Variants in NTM observed in about 807,000 individuals in gnomAD.
The protein encoded by NTM is IgLON family member 2.
Under a neutral mutation model 42.1 loss-of-function variants are expected in NTM, and 13 were observed. The observed-to-expected ratio is 0.31, with a 90% CI of 0.20 to 0.49. NTM has a LOEUF of 0.49. Among genes scored for constraint, NTM ranks in the 20% least tolerant of loss-of-function variants. NTM has a pLI of 0.99. For missense variants in NTM, 373 were observed against 452.8 expected (o/e 0.82, Z 1.60); for synonymous variants, 187 against 179.2 (o/e 1.04, Z -0.35).
Position 131,846,801 on chromosome 11 carries a change from A to G in NTM, c.83-64763A>G, listed in dbSNP as rs920386908. ...GAGGCTGGGCTGAGGAGGCAGGATT[A>G]GCAGTGTCTCTCAGGTTGGGAGCTG... On this transcript the variant is annotated intron_variant, in intron 1 of 8. Coordinates refer to ENST00000683400, the MANE Select transcript of NTM (RefSeq NM_001352005.2). Among the ~76,000 whole-genome samples, 11 of 152,160 alleles carry G rather than the reference A, an allele frequency of 7.2e-5. No individual in the cohort carries two copies. In the South Asian group the frequency reaches 2.3e-3, roughly 31 times the overall value.
intron 1 of NTM, among the ~76,000 whole-genome samples, chr11:131,789,940 A>G (rs2090669912): frequency 8.0e-6 from 1 of 125,088 alleles, no homozygotes; most frequent in Non-Finnish European, 1.6e-5. Context: ...TGGGCGACAG[A>G]GCGAGACTCC....
At chr11:131,777,696 G>A (rs2087283036) in intron 1 of NTM, among the ~76,000 whole-genome samples, 1 of 152,124 alleles carries the variant, frequency 6.6e-6, no homozygotes, top group South Asian at 2.1e-4. Context: ...CTTGCAAATT[G>A]ACATACTGAG....
rs1486868654 is a variant in NTM at position 132,242,812 on chromosome 11, C to T, written c.526+30665C>T. Among the ~76,000 whole-genome samples the T allele has an allele frequency of 5.9e-5, 9 of 152,172 alleles. 1 individual carries two copies. The highest frequency in any genetic ancestry group is 5.9e-4 in the Admixed American group (9 of 15,282). ...AAAATTTTGAGCTTGGAAACGCGTC[C>T]CCATTCTGTCAACATCAGGTTGTTT... On this transcript the variant is annotated intron_variant, in intron 4 of 8. Transcript: ENST00000683400.
At chr11:131,908,924 T>C (rs999437081) in intron 1 of NTM, among the ~76,000 whole-genome samples, 4 of 152,214 alleles carry the variant, frequency 2.6e-5, no homozygotes, top group African/African-American at 9.6e-5. Context: ...TTATTCCTGA[T>C]AGTAAAGTCA....
intron 1 of NTM, among the ~76,000 whole-genome samples, chr11:131,378,840 T>C (rs188736279): frequency 1.4e-3 from 214 of 152,318 alleles, no homozygotes; most frequent in African/African-American, 5.0e-3. Flanking sequence ...GTTATCCAGC[T>C]GCATTGCTTC....
chr11:131,509,807 G>A (rs1286348928), intron 1 of NTM, among the ~76,000 whole-genome samples: 3 of 152,202 alleles, frequency 2.0e-5, no homozygotes. Flanking sequence ...AAGGAGACCT[G>A]TGTAACTAGA....
At chr11:131,917,264 A>G (rs939196174) in intron 2 of NTM, among the ~76,000 whole-genome samples, 80 of 152,176 alleles carry the variant, frequency 5.3e-4, no homozygotes, top group African/African-American at 1.8e-3. Flanking sequence ...TTCTCCTTGG[A>G]GTCTGTGTCC....
At chr11:132,090,680 T>G (rs2060271573) in intron 2 of NTM, among the ~76,000 whole-genome samples, 1 of 148,750 alleles carries the variant, frequency 6.7e-6, no homozygotes, top group Non-Finnish European at 1.5e-5. Context: ...GCTACACCCT[T>G]TCTTCACTTT....
intron 1 of NTM, among the ~76,000 whole-genome samples, chr11:131,461,219 G>A (rs567502380): frequency 2.0e-5 from 3 of 152,166 alleles, no homozygotes; most frequent in Non-Finnish European, 4.4e-5. Flanking sequence ...CTGACAATAA[G>A]ACTTGGGTTG....
chr11:131,731,309 G>A (rs2658873), intron 1 of NTM, among the ~76,000 whole-genome samples: 33,963 of 151,934 alleles, frequency 0.22, 4,389 homozygotes, highest in African/African-American at 0.35. Flanking sequence ...ACATATGTAG[G>A]TCAGCTCCCA....
chr11:132,214,311 C>T (rs997523409), intron 4 of NTM, among the ~76,000 whole-genome samples: 3 of 152,110 alleles, frequency 2.0e-5, no homozygotes, highest in African/African-American at 7.2e-5. Context: ...CCAGTCTGTG[C>T]CTTTGGAGTC....
At chr11:131,590,819 T>G (rs182815032) in intron 1 of NTM, among the ~76,000 whole-genome samples, 483 of 152,326 alleles carry the variant, frequency 3.2e-3, no homozygotes, top group Non-Finnish European at 3.9e-3. Flanking sequence ...ATGTAAGGTT[T>G]AACCCAGGTC....
chr11:131,956,757 G>A (rs1004813187), intron 2 of NTM, among the ~76,000 whole-genome samples: 3 of 152,148 alleles, frequency 2.0e-5, no homozygotes, highest in Non-Finnish European at 2.9e-5. Context: ...CTGGGTGTGA[G>A]TCAATGGCCT....
chr11:132,056,079 A>G lies in NTM; in HGVS notation c.168-90203A>G, dbSNP rs565529067. On this transcript the variant is annotated intron_variant, in intron 2 of 8. Coordinates refer to ENST00000683400, the MANE Select transcript of NTM (RefSeq NM_001352005.2). Reference sequence around the variant, plus strand: ...GGGAAATTCTCATGAGCAGGTTTCAATTGAGGAATAATTCATTTTTGCAGT... The same window carrying G: ...GGGAAATTCTCATGAGCAGGTTTCAGTTGAGGAATAATTCATTTTTGCAGT... Among the ~76,000 whole-genome samples, 3 of 152,374 alleles carry G rather than the reference A, an allele frequency of 2.0e-5. No homozygotes were observed. In the East Asian group the frequency reaches 5.8e-4, roughly 29 times the overall value.
At chr11:131,377,634 G>A (rs2135499611) in intron 1 of NTM, among the ~76,000 whole-genome samples, 1 of 152,238 alleles carries the variant, frequency 6.6e-6, no homozygotes, top group Admixed American at 6.5e-5. Context: ...TTAACAAAAG[G>A]AATTTCTTTG....
intron 2 of NTM, among the ~76,000 whole-genome samples, chr11:131,967,932 A>G (rs886360799): frequency 6.6e-6 from 1 of 152,212 alleles, no homozygotes; most frequent in African/African-American, 2.4e-5. Context: ...GAATGCCTTC[A>G]GATAGAAAGA....
intron 2 of NTM, among the ~76,000 whole-genome samples, chr11:131,974,381 G>T (rs1275478067): frequency 6.6e-6 from 1 of 152,070 alleles, no homozygotes; most frequent in Non-Finnish European, 1.5e-5. Flanking sequence ...TTTAAGATAG[G>T]AGTCCTTTTG....
At chr11:131,876,878 A>ATTT (rs2048610872) in intron 1 of NTM, among the ~76,000 whole-genome samples, 1 of 146,194 alleles carries the variant, frequency 6.8e-6, no homozygotes. Flanking sequence ...TTTTTTTTTG[A>ATTT]GACAGAGTCT....
chr11:132,042,008 AC>A (rs1429544904), intron 2 of NTM, among the ~76,000 whole-genome samples: 3 of 152,238 alleles, frequency 2.0e-5, no homozygotes, highest in Non-Finnish European at 4.4e-5. Context: ...AGGATTGAGT[AC>A]CAGGATTGTA....
Sources: allele counts gnomAD v4.1 joint callset (sites outside exome capture counted in the v4.1 genomes callset), GRCh38; gene constraint gnomAD v4.1.1; transcripts MANE v1.5; gene names NCBI Gene and HGNC (gene_info 2026-07-23, HGNC 2026-07-21).